Variants in STAMBP observed in about 807,000 individuals in gnomAD.
The protein encoded by STAMBP is STAM binding protein, also known as STAM-binding protein.
Under a neutral mutation model 50.7 loss-of-function variants are expected in STAMBP, and 31 were observed. The observed-to-expected ratio is 0.61, with a 90% CI of 0.46 to 0.83. The LOEUF is 0.83. Among genes scored for constraint, STAMBP ranks in the 40% least tolerant of loss-of-function variants. The pLI, the probability that STAMBP is intolerant of heterozygous loss-of-function variation, is 0.00. For synonymous variants in STAMBP, 211 were observed against 192.4 expected (o/e 1.10, Z -0.80); for missense variants, 472 against 518.9 (o/e 0.91, Z 0.88).
At chr2:73,836,231 T>A (rs1674697017) in intron 2 of STAMBP, among the ~76,000 whole-genome samples, 1 of 152,218 alleles carries the variant, frequency 6.6e-6, no homozygotes, top group Admixed American at 6.5e-5. Flanking sequence ...GGAGGGAGAC[T>A]GAATCAGTTG....
chr2:73,858,043 C>G (rs997892487), intron 7 of STAMBP, among the ~76,000 whole-genome samples: 1 of 151,666 alleles, frequency 6.6e-6, no homozygotes, highest in Admixed American at 6.6e-5. Flanking sequence ...AGTGCAGTGG[C>G]GCGATCTCGG....
chr2:73,839,252 A>C (rs1479209067), intron 2 of STAMBP, among the ~76,000 whole-genome samples: 2 of 152,198 alleles, frequency 1.3e-5, no homozygotes, highest in Non-Finnish European at 2.9e-5. Flanking sequence ...TGCCTTTTGC[A>C]GACCCCAGTA....
chr2:73,862,033 A>T (rs1051057323), intron 9 of STAMBP, among the ~76,000 whole-genome samples, 170 bp from the exon 10 acceptor site: 1 of 152,154 alleles, frequency 6.6e-6, no homozygotes, highest in African/African-American at 2.4e-5. Flanking sequence ...GCTACTGGGA[A>T]AGCTAAGGCA....
rs1006072205 is a variant in STAMBP, at chr2:73,832,108, T to TATATATAC, written c.203+1050_203+1051insTATATACA. Among the ~76,000 whole-genome samples, 41 of 122,892 alleles carry TATATATAC rather than the reference T, an allele frequency of 3.3e-4. 1 individual carries two copies. The highest frequency in any genetic ancestry group is 1.7e-3 in the East Asian group (7 of 4,146). The allele number at this position is 122,892 out of a possible 152,430, so 80.6% of individuals were successfully genotyped here. On this transcript the variant is annotated intron_variant, in intron 2 of 9. Transcript: ENST00000394070. ...ACATATATATATATATATATATATA[T>TATATATAC]ACACATATATATGGTGCACAATTCA...
rs2104730566 is a variant in STAMBP, at chr2:73,864,467, C to T, written c.*2208C>T. The stretch of plus-strand genomic sequence containing the variant: ...AGGATGGTCTAAGTGTCTCTGTCTT[C>T]ATCTTACCTCTGTGGAGGAGACGTG... On this transcript the variant is annotated 3_prime_UTR_variant, in exon 10 of 10. Transcript: ENST00000394070. The T allele has an allele frequency of 6.6e-6, 1 of 152,364 alleles. No homozygotes were observed. Among genetic ancestry groups the T allele is most frequent in the East Asian group, 1.9e-4 (1 of 5,186 alleles). The allele number at this position is 152,364 out of a possible 1,614,324, so 9.4% of individuals were successfully genotyped here.
chr2:73,843,660 AG>A (rs1176058299), intron 2 of STAMBP, among the ~76,000 whole-genome samples: 3 of 152,142 alleles, frequency 2.0e-5, no homozygotes, highest in African/African-American at 7.2e-5. Flanking sequence ...AGCCTTATCA[AG>A]TTGGATCAAA....
At chr2:73,843,859 C>G (rs1024975802) in intron 2 of STAMBP, among the ~76,000 whole-genome samples, 12 of 152,112 alleles carry the variant, frequency 7.9e-5, no homozygotes, top group Non-Finnish European at 1.6e-4. Flanking sequence ...AGCAAGCTAC[C>G]TTCAATTTAT....
intron 2 of STAMBP, among the ~76,000 whole-genome samples, chr2:73,842,030 A>G (rs1205345278): frequency 6.6e-6 from 1 of 152,208 alleles, no homozygotes; most frequent in South Asian, 2.1e-4. Context: ...TCAAAGTAAT[A>G]TAAAGAGGTA....
intron 6 of STAMBP, among the ~76,000 whole-genome samples, chr2:73,849,755 G>C (rs1676574998): frequency 6.6e-6 from 1 of 151,964 alleles, no homozygotes. Flanking sequence ...CAATTTTTTT[G>C]GTACCTACTT....
At position 73,847,435 on chromosome 2, in the gene STAMBP, C is replaced by G. The variant is rs186098243; in HGVS notation, c.424C>G (p.Leu142Val). 97 of 1,613,308 alleles carry G rather than the reference C, an allele frequency of 6.0e-5. No homozygotes were observed. The East Asian group carries it at 2.1e-3, about 35-fold the overall frequency. ...CCGGAACATGGCCATCCAGCAAGAG[C>G]TGGAAAAGGAAAAACAGAGGGTAGC... ...LARNMAIQQE[L>V]EKEKQRVAQQ... is the part of the protein sequence containing the mutation. The change falls in exon 5 of 10, where the codon CTG (leucine) becomes GTG (valine). Residue 142 changes from leucine to valine, a missense_variant. By Grantham distance (32) the Leu-to-Val change is conservative. Coordinates refer to ENST00000394070, the MANE Select transcript of STAMBP (RefSeq NM_213622.4).
At chr2:73,857,548 G>T (rs891434259) in intron 7 of STAMBP, among the ~76,000 whole-genome samples, 3 of 152,194 alleles carry the variant, frequency 2.0e-5, no homozygotes, top group Admixed American at 1.3e-4. Flanking sequence ...ACCTCTGGGA[G>T]CTCTCTCCCT....
downstream of STAMBP, among the ~76,000 whole-genome samples, chr2:73,867,683 C>A (rs1042219860): frequency 2.6e-5 from 4 of 152,000 alleles, no homozygotes; most frequent in African/African-American, 9.7e-5. Context: ...GTAATTTCTA[C>A]AAATTATACA....
rs1415295624 is a variant in STAMBP, at chr2:73,829,467, G to C, written c.-56G>C. 1 of 152,216 alleles carries C rather than the reference G, an allele frequency of 6.6e-6. No homozygotes were observed. Among genetic ancestry groups the C allele is most frequent in the East Asian group, 1.9e-4 (1 of 5,196 alleles). The allele number at this position is 152,216 out of a possible 1,614,324, so 9.4% of individuals were successfully genotyped here. ...GTAACCGGCGCCGCTTCCTGGCCTT[G>C]GGAGGTGGTTCCTTTCTTAACCCAC... On this transcript the variant is annotated 5_prime_UTR_variant, in exon 1 of 10. Transcript: ENST00000394070.
intron 2 of STAMBP, among the ~76,000 whole-genome samples, chr2:73,842,258 G>A (rs1450417988): frequency 1.3e-5 from 2 of 152,236 alleles, no homozygotes; most frequent in Non-Finnish European, 2.9e-5. Context: ...GCCACTGTCT[G>A]TGTGGAGTCT....
At chr2:73,842,691 A>C (rs1179644279) in intron 2 of STAMBP, among the ~76,000 whole-genome samples, 1 of 152,204 alleles carries the variant, frequency 6.6e-6, no homozygotes, top group African/African-American at 2.4e-5. Flanking sequence ...GTTATATGTC[A>C]TTGTGCTTAA....
intron 2 of STAMBP, among the ~76,000 whole-genome samples, chr2:73,836,804 CA>C (rs1275690201): frequency 6.6e-6 from 1 of 152,170 alleles, no homozygotes; most frequent in East Asian, 1.9e-4. Flanking sequence ...GGTGCATGCA[CA>C]CTGGGGAGGG....
downstream of STAMBP, among the ~76,000 whole-genome samples, chr2:73,871,071 A>G (rs1360316854): frequency 6.6e-6 from 1 of 152,100 alleles, no homozygotes; most frequent in Non-Finnish European, 1.5e-5. Flanking sequence ...TGCCTTGGCC[A>G]AGAGTTTAAA....
At chr2:73,834,580 G>A (rs1429338737) in intron 2 of STAMBP, among the ~76,000 whole-genome samples, 2 of 151,860 alleles carry the variant, frequency 1.3e-5, no homozygotes, top group African/African-American at 2.4e-5. Context: ...TCTCAGGGGC[G>A]GCAGTGGCAG....
At position 73,863,921 on chromosome 2, in the gene STAMBP, T is replaced by C. The variant is rs1208656186; in HGVS notation, c.*1662T>C. 2 of 152,234 alleles carry C rather than the reference T, an allele frequency of 1.3e-5. No individual in the cohort carries two copies. Among genetic ancestry groups the C allele is most frequent in the Non-Finnish European group, 2.9e-5 (2 of 68,044 alleles). The allele number at this position is 152,234 out of a possible 1,614,324, so 9.4% of individuals were successfully genotyped here. A position where few individuals can be genotyped will look rare whatever the true frequency, so the allele number is the denominator to read the frequency against. ...GGAGAAGCTTCTCACATTCCAGCCATGTTCATGTTTTCTCTCTTGCTCAAA... is the reference window on the plus strand; with the variant it reads ...GGAGAAGCTTCTCACATTCCAGCCACGTTCATGTTTTCTCTCTTGCTCAAA... On this transcript the variant is annotated 3_prime_UTR_variant, in exon 10 of 10. Transcript: ENST00000394070.
Sources: gnomAD v4.1 joint callset for allele counts (sites outside exome capture counted in the v4.1 genomes callset) on GRCh38, gnomAD v4.1.1 for gene constraint, MANE v1.5 for transcripts, NCBI Gene and HGNC (gene_info 2026-07-23, HGNC 2026-07-21) for gene names.